FRYL: variants seen among roughly 807,000 people sequenced by gnomAD.
FRYL encodes the protein protein furry homolog-like.
A neutral mutation model predicts 351.2 loss-of-function variants in FRYL; 150 were observed. The ratio of observed to expected loss-of-function variants is 0.43; its 90% CI spans 0.37 to 0.49. The LOEUF (loss-of-function observed/expected upper bound fraction) is 0.49, where lower values mean the gene tolerates loss of function less well. Among genes scored for constraint, FRYL ranks in the 20% least tolerant of loss-of-function variants. The probability of loss-of-function intolerance (pLI) is 0.00; values close to 1 mark genes in which losing one functional copy is unlikely to be tolerated. For synonymous variants in FRYL, 1,153 were observed against 1,257.1 expected, an observed-to-expected ratio of 0.92 and a Z score of 1.75; for missense variants, 3,036 against 3,619.3, an observed-to-expected ratio of 0.84 and a Z score of 4.13.
At chr4:48,738,665 CTTTTTTTT>C (rs748249556) in intron 1 of FRYL, among the ~76,000 whole-genome samples, 4 of 132,838 alleles carry the variant, frequency 3.0e-5, no homozygotes, top group East Asian at 2.2e-4. Context: ...ACATGGCTAA[CTTTTTTTT>C]TTTTTTTTTT....
chr4:48,636,903 C>G (rs1402811403), intron 3 of FRYL: 1 of 151,816 alleles, frequency 6.6e-6, no homozygotes, highest in Non-Finnish European at 1.5e-5. Context: ...TTTTTATAAT[C>G]TAATAAACAG....
rs1291544318 is a variant in FRYL at position 48,730,959 on chromosome 4, A to G, written c.-383-20261T>C. Among the ~76,000 whole-genome samples, 5 of 152,174 alleles carry G rather than the reference A, an allele frequency of 3.3e-5. No homozygotes were observed. In the East Asian group the frequency reaches 9.6e-4, roughly 29 times the overall value. ...AAGAGTCAAGACCCCTCAGTGTGCT[A>G]TATTGAAGAGAACCACATCACGTGC... On this transcript the variant is annotated intron_variant, in intron 1 of 63. Coordinates refer to ENST00000358350, the MANE Select transcript of FRYL (RefSeq NM_015030.2).
At chr4:48,731,066 C>T (rs1342511604) in intron 1 of FRYL, among the ~76,000 whole-genome samples, 1 of 151,890 alleles carries the variant, frequency 6.6e-6, no homozygotes, top group African/African-American at 2.4e-5. Flanking sequence ...GCAGGGGTTG[C>T]AGTCCTGGTC....
chr4:48,741,247 A>T (rs1019729655), intron 1 of FRYL, among the ~76,000 whole-genome samples: 5 of 152,050 alleles, frequency 3.3e-5, no homozygotes, highest in Non-Finnish European at 7.4e-5. Context: ...ATCTTTATTA[A>T]AAAAATAGAA....
chr4:48,564,808 C>T (rs535045279), intron 30 of FRYL, 125 bp downstream of exon 30: 48 of 530,514 alleles, frequency 9.0e-5, no homozygotes, highest in African/African-American at 5.7e-4. Context: ...ATATAATATG[C>T]TTTTTGCATA....
chr4:48,773,332 G>A (rs1401779048), intron 1 of FRYL, among the ~76,000 whole-genome samples: 3 of 152,178 alleles, frequency 2.0e-5, no homozygotes, highest in African/African-American at 7.2e-5. Context: ...ATATGCAAGA[G>A]TAATGCAAAT....
At chr4:48,509,161 AAGAT>A (rs748279077) in intron 59 of FRYL, among the ~76,000 whole-genome samples, 10 of 152,226 alleles carry the variant, frequency 6.6e-5, no homozygotes, top group Non-Finnish European at 1.3e-4. Context: ...AAATGCTACT[AAGAT>A]AGCAAAACTG....
At chr4:48,749,826 A>G (rs1462392003) in intron 1 of FRYL, among the ~76,000 whole-genome samples, 1 of 152,128 alleles carries the variant, frequency 6.6e-6, no homozygotes, top group Non-Finnish European at 1.5e-5. Context: ...AGGTCTGTCT[A>G]GTTGAGCCCT....
chr4:48,557,384 T>C, intron 34 of FRYL, 69 bp downstream of exon 34: 1 of 1,567,208 alleles, frequency 6.4e-7, no homozygotes, highest in East Asian at 2.3e-5. Context: ...AACCTCTTCA[T>C]CTGTTTCTAA....
chr4:48,612,871 G>A (rs1008762543), intron 7 of FRYL, among the ~76,000 whole-genome samples: 1 of 152,002 alleles, frequency 6.6e-6, no homozygotes, highest in African/African-American at 2.4e-5. Flanking sequence ...TTACAGGCGT[G>A]AGCCACCGCA....
rs192580824 is a variant in FRYL, at chr4:48,499,177, G to A, written c.*245C>T. The A allele has an allele frequency of 8.9e-4, 380 of 426,796 alleles. 1 individual carries two copies. Among genetic ancestry groups the A allele is most frequent in the African/African-American group, 7.3e-3 (366 of 50,110 alleles). 26.4% of individuals were successfully genotyped at this position (426,796 alleles called of 1,614,324 possible). On this transcript the variant is annotated 3_prime_UTR_variant, in exon 64 of 64. Coordinates refer to ENST00000358350, the MANE Select transcript of FRYL (RefSeq NM_015030.2). Reference sequence around the variant, plus strand: ...TCACTTTTAGCCCTTTTCTTTTCACGTAGGTTAAGTAATTAAAAAATTCCT... The same window carrying A: ...TCACTTTTAGCCCTTTTCTTTTCACATAGGTTAAGTAATTAAAAAATTCCT...
intron 63 of FRYL, 85 bp from the exon 64 acceptor site, chr4:48,499,765 A>G (rs1719135489): frequency 8.1e-7 from 1 of 1,237,286 alleles, no homozygotes; most frequent in African/African-American, 1.5e-5. Flanking sequence ...CTGTAACAAC[A>G]ACATTTCCTT....
rs1754676921 is a variant in FRYL at position 48,638,402 on chromosome 4, A to G, written c.-80-3912T>C. The G allele has an allele frequency of 2.0e-5, 3 of 152,190 alleles. 1 individual carries two copies. In the South Asian group the frequency reaches 6.2e-4, roughly 32 times the overall value. The allele number at this position is 152,190 out of a possible 1,614,324, so 9.4% of individuals were successfully genotyped here. ...GTAAAAAAATATCTGTGACTTTACA[A>G]TGAGATACCATCTCACGCCAGTTAG... is the stretch of plus-strand genomic sequence containing the variant. On this transcript the variant is annotated intron_variant, in intron 3 of 63. Transcript: ENST00000358350.
intron 45 of FRYL, 54 bp downstream of exon 45, chr4:48,541,973 G>A: frequency 8.8e-7 from 1 of 1,129,976 alleles, no homozygotes; most frequent in South Asian, 1.2e-5. Context: ...ATAGCTATAT[G>A]TAGTTAGCTA....
intron 2 of FRYL, among the ~76,000 whole-genome samples, chr4:48,692,296 C>T (rs1765747735): frequency 6.6e-6 from 1 of 152,046 alleles, no homozygotes; most frequent in Admixed American, 6.6e-5. Context: ...TGTTTAGATA[C>T]AAAGGCTCTG....
rs563003243 is a variant in FRYL, at chr4:48,599,190, G to GA, written c.1035+2829dup. On this transcript the variant is annotated intron_variant, in intron 13 of 63. Coordinates refer to ENST00000358350, the MANE Select transcript of FRYL (RefSeq NM_015030.2). ...TAAATGAATGTAAGTATAGATTGTT[G>GA]AAAAAAATCTCCAAATTATTTTCTA... Among the ~76,000 whole-genome samples the GA allele has an allele frequency of 2.7e-3, 409 of 152,004 alleles. 1 individual carries two copies. The highest frequency in any genetic ancestry group is 9.4e-3 in the African/African-American group (391 of 41,468).
At chr4:48,660,926 TCA>T (rs1405143303) in intron 3 of FRYL, among the ~76,000 whole-genome samples, 5 of 152,172 alleles carry the variant, frequency 3.3e-5, no homozygotes, top group Admixed American at 6.5e-5. Context: ...TGAGAAATTG[TCA>T]CAGTCTAGAG....
At chr4:48,501,957 A>G (rs576237366) in intron 61 of FRYL, among the ~76,000 whole-genome samples, 1 of 152,356 alleles carries the variant, frequency 6.6e-6, no homozygotes, top group South Asian at 2.1e-4. Flanking sequence ...AATGTTAAGC[A>G]CATTTTCACA....
At chr4:48,593,555 A>C (rs1335116960) in intron 16 of FRYL, among the ~76,000 whole-genome samples, 1 of 151,598 alleles carries the variant, frequency 6.6e-6, no homozygotes, top group Non-Finnish European at 1.5e-5. Context: ...TGTTGGGGTC[A>C]GGCTGGTCTC....
Sources: allele counts gnomAD v4.1 joint callset (sites outside exome capture counted in the v4.1 genomes callset), GRCh38; gene constraint gnomAD v4.1.1; transcripts MANE v1.5; gene names NCBI Gene and HGNC (gene_info 2026-07-23, HGNC 2026-07-21).